The following KDM2A variants were observed in gnomAD, a reference collection of about 807,000 sequenced individuals.
KDM2A encodes lysine demethylase 2A.
KDM2A carries 3 observed loss-of-function variants against 137.3 expected under a neutral mutation model. The observed-to-expected ratio is 0.02, with a 90% CI of 0.01 to 0.06. The LOEUF (loss-of-function observed/expected upper bound fraction) is 0.06, where lower values mean the gene tolerates loss of function less well. Ranked by LOEUF, KDM2A falls within the 10% of genes least tolerant of loss-of-function variation. The pLI is 1.00. For missense variants in KDM2A, 738 were observed against 1,510.6 expected (o/e 0.49, Z 8.48); for synonymous variants, 512 against 541.5 (o/e 0.95, Z 0.76).
At chr11:67,231,349 AT>A (rs1191951746) in intron 11 of KDM2A, among the ~76,000 whole-genome samples, 1 of 152,142 alleles carries the variant, frequency 6.6e-6, no homozygotes, top group African/African-American at 2.4e-5. Flanking sequence ...CCAATTGACT[AT>A]TACCTAGGTG....
At chr11:67,218,228 A>G (rs1055838014) in intron 9 of KDM2A, among the ~76,000 whole-genome samples, 9 of 152,182 alleles carry the variant, frequency 5.9e-5, no homozygotes, top group African/African-American at 2.2e-4. Context: ...ATTCTAGGGA[A>G]TGGCTGTGAA....
intron 2 of KDM2A, among the ~76,000 whole-genome samples, chr11:67,139,536 C>T (rs566669797): frequency 7.2e-5 from 11 of 152,148 alleles, no homozygotes; most frequent in Non-Finnish European, 1.3e-4. Context: ...TGAGCCACTG[C>T]ACCCAGCCTC....
chr11:67,130,884 A>G (rs925843917), intron 2 of KDM2A, among the ~76,000 whole-genome samples: 1 of 144,388 alleles, frequency 6.9e-6, no homozygotes, highest in Non-Finnish European at 1.5e-5. Context: ...TTTTTTAATT[A>G]TGGAGAGAGA....
chr11:67,193,828 T>C (rs1239725204), intron 5 of KDM2A, among the ~76,000 whole-genome samples: 1 of 152,174 alleles, frequency 6.6e-6, no homozygotes, highest in Non-Finnish European at 1.5e-5. Flanking sequence ...GTCGTTGTAT[T>C]CCAGCCTGGG....
At chr11:67,246,704 C>T (rs1039634844) in intron 15 of KDM2A, among the ~76,000 whole-genome samples, 3 of 152,106 alleles carry the variant, frequency 2.0e-5, no homozygotes, top group Admixed American at 1.3e-4. Context: ...ACCACTGTTT[C>T]CTTGGCCTTC....
At chr11:67,120,522 G>T (rs1454904453) in intron 1 of KDM2A, among the ~76,000 whole-genome samples, 2 of 152,216 alleles carry the variant, frequency 1.3e-5, no homozygotes, top group Non-Finnish European at 2.9e-5. Flanking sequence ...TTTTGGACAA[G>T]ATGTATTTTC....
intron 12 of KDM2A, among the ~76,000 whole-genome samples, chr11:67,242,278 ATGTGTG>A (rs35881675): frequency 8.1e-5 from 12 of 148,074 alleles, no homozygotes; most frequent in African/African-American, 2.5e-4. Flanking sequence ...GGGTGTGTGT[ATGTGTG>A]TGTGTGTGTG....
intron 2 of KDM2A, among the ~76,000 whole-genome samples, chr11:67,154,889 T>TC (rs1856479259): frequency 6.6e-6 from 1 of 152,280 alleles, no homozygotes; most frequent in Non-Finnish European, 1.5e-5. Context: ...GTTGTATGGA[T>TC]ATACCACATT....
chr11:67,250,778 G>T lies in KDM2A; in HGVS notation c.2748G>T (p.Val916=). 6.5e-7 allele frequency: 1 copy of T among 1,531,292 alleles called. No individual in the cohort carries two copies. The highest frequency in any genetic ancestry group is 8.8e-7 in the Non-Finnish European group (1 of 1,138,692). 94.9% of individuals were successfully genotyped at this position (1,531,292 alleles called of 1,614,324 possible). A position where few individuals can be genotyped will look rare whatever the true frequency, so the allele number is the denominator to read the frequency against. Residue 916 remains valine (V), a synonymous_variant, in exon 17 of 21, where the codon GTG becomes GTT. Transcript: ENST00000529006. The surrounding 1 kb of genome is among the most constrained non-coding windows in gnomAD (Gnocchi z 7.1). ...SRRELCECMR[V]CKTWYKWCCD... is the part of the protein sequence containing the mutation. ...GAGAACTTTGTGAATGTATGCGAGT[G>T]TGCAAGACGTGGTATAAATGGTGAG...
chr11:67,142,498 G>T (rs919078978), intron 2 of KDM2A, among the ~76,000 whole-genome samples: 1 of 140,700 alleles, frequency 7.1e-6, no homozygotes, highest in Non-Finnish European at 1.5e-5. Flanking sequence ...TAAAAATACA[G>T]AAATTAGCCG....
chr11:67,177,749 C>A (rs1857001664), intron 2 of KDM2A, among the ~76,000 whole-genome samples: 1 of 151,994 alleles, frequency 6.6e-6, no homozygotes, highest in Non-Finnish European at 1.5e-5. Flanking sequence ...AATGATCAAG[C>A]ACAGAATAAT....
intron 10 of KDM2A, among the ~76,000 whole-genome samples, chr11:67,223,848 G>A (rs550476254): frequency 2.0e-5 from 3 of 152,258 alleles, no homozygotes; most frequent in Non-Finnish European, 2.9e-5. Flanking sequence ...ATGGAGAGGC[G>A]TAGTGTATTA....
At chr11:67,160,334 A>G (rs746727588) in intron 2 of KDM2A, among the ~76,000 whole-genome samples, 2 of 152,186 alleles carry the variant, frequency 1.3e-5, no homozygotes, top group Non-Finnish European at 2.9e-5. Context: ...TTGCCGGTTT[A>G]GGAAGAGATT....
rs773146180 is a variant in KDM2A at position 67,231,587 on chromosome 11, A to T, written c.1106A>T (p.Glu369Val). ...LSMDLELNGL[E>V]SGNGDEEAVD... ...GTAGATTTGGAGTTAAATGGGTTGG[A>T]GTCTGGGAATGGGGATGAGGAAGCA... The change falls in exon 12 of 21, where the codon GAG becomes GTG. Residue 369 changes from glutamate to valine, a missense_variant. By Grantham distance (121) the Glu-to-Val change is moderately radical. Coordinates refer to ENST00000529006, the MANE Select transcript of KDM2A (RefSeq NM_012308.3). 2 of 1,606,828 alleles carry T rather than the reference A, an allele frequency of 1.2e-6. No individual in the cohort carries two copies. The highest frequency in any genetic ancestry group is 2.2e-5 in the South Asian group (2 of 89,848).
intron 2 of KDM2A, among the ~76,000 whole-genome samples, chr11:67,157,781 A>C (rs1460979484): frequency 1.3e-5 from 2 of 151,474 alleles, no homozygotes; most frequent in Non-Finnish European, 2.9e-5. Context: ...TTAGTGTTGT[A>C]CATTTGTTAC....
chr11:67,145,983 G>GT (rs1555081284), intron 2 of KDM2A, among the ~76,000 whole-genome samples: 493 of 134,916 alleles, frequency 3.7e-3, no homozygotes, highest in South Asian at 0.02. Flanking sequence ...CCCGTTTTTT[G>GT]TTTTGTTTTT....
At chr11:67,143,025 T>C (rs894251742) in intron 2 of KDM2A, among the ~76,000 whole-genome samples, 9 of 148,816 alleles carry the variant, frequency 6.0e-5, no homozygotes, top group Non-Finnish European at 3.0e-5. Context: ...CTATTCTTTT[T>C]TTTTTTTTTT....
intron 2 of KDM2A, among the ~76,000 whole-genome samples, chr11:67,139,284 C>T (rs1856041245): frequency 6.6e-6 from 1 of 151,494 alleles, no homozygotes; most frequent in African/African-American, 2.4e-5. Flanking sequence ...TCGCTTTGTC[C>T]CCCAGGCTGG....
chr11:67,220,157 A>G (rs1416218531), intron 10 of KDM2A, among the ~76,000 whole-genome samples: 1 of 151,974 alleles, frequency 6.6e-6, no homozygotes, highest in Non-Finnish European at 1.5e-5. Flanking sequence ...GACTACAGGC[A>G]CACGCCACCA....
Sources: gnomAD v4.1 joint callset for allele counts (sites outside exome capture counted in the v4.1 genomes callset) on GRCh38, gnomAD v4.1.1 for gene constraint, Gnocchi (gnomAD v3.1) non-coding constraint, MANE v1.5 for transcripts, NCBI Gene and HGNC (gene_info 2026-07-23, HGNC 2026-07-21) for gene names.